ZNF484: variants seen among roughly 807,000 people sequenced by gnomAD.
ZNF484 encodes KRAB box containing C2H2 type zinc finger bA526D8.4.
Under a neutral mutation model 12.9 loss-of-function variants are expected in ZNF484, and 11 were observed. The ratio of observed to expected loss-of-function variants is 0.85; its 90% confidence interval spans 0.54 to 1.41. ZNF484 has a LOEUF of 1.41. ZNF484 is among the 40% of genes most tolerant of loss of function. The pLI is 0.00. For missense variants in ZNF484, 807 were observed against 1,007.7 expected (o/e 0.80, Z 2.70); for synonymous variants, 289 against 334.1 (o/e 0.86, Z 1.47).
intron 2 of ZNF484, among the ~76,000 whole-genome samples, chr9:92,873,108 A>G (rs1857558571): frequency 6.6e-6 from 1 of 152,176 alleles, no homozygotes; most frequent in Non-Finnish European, 1.5e-5. Context: ...CTAATCTGAT[A>G]AGACAGGTGG....
intron 2 of ZNF484, among the ~76,000 whole-genome samples, chr9:92,861,776 G>A (rs1331301723): frequency 6.6e-6 from 1 of 152,094 alleles, no homozygotes; most frequent in Non-Finnish European, 1.5e-5. Flanking sequence ...AAGATATGAA[G>A]AAATAATAGC....
intron 2 of ZNF484, among the ~76,000 whole-genome samples, chr9:92,859,504 G>A (rs1459287190): frequency 6.6e-6 from 1 of 152,124 alleles, no homozygotes; most frequent in East Asian, 1.9e-4. Context: ...GAACCAATGA[G>A]CACAGACAAA....
chr9:92,872,131 T>C (rs1184873086), intron 2 of ZNF484, among the ~76,000 whole-genome samples: 1 of 148,094 alleles, frequency 6.8e-6, no homozygotes, highest in Non-Finnish European at 1.5e-5. Context: ...CTCGGAAAGG[T>C]GAGGCAGGAG....
In ZNF484 at chr9:92,875,079, G is replaced by A; in HGVS notation, c.-30-20C>T. The A allele has an allele frequency of 6.2e-7, 1 of 1,611,944 alleles. No individual in the cohort carries two copies. Among genetic ancestry groups the A allele is most frequent in the Non-Finnish European group, 8.5e-7 (1 of 1,178,696 alleles). On this transcript the variant is annotated intron_variant, in intron 1 of 4. Coordinates refer to ENST00000375495, the MANE Select transcript of ZNF484 (RefSeq NM_031486.4). ...AGAAATCTGAGAAAACAGATGGGTA[G>A]AGGTACCCATGAGAGAAGGAACTGT...
chr9:92,870,273 C>G (rs1857352250), intron 2 of ZNF484, among the ~76,000 whole-genome samples: 1 of 152,240 alleles, frequency 6.6e-6, no homozygotes, highest in African/African-American at 2.4e-5. Flanking sequence ...GAAACATCAA[C>G]AAGTGCATAC....
chr9:92,855,913 G>A lies in ZNF484; in HGVS notation c.143-10C>T, dbSNP rs200678202. On this transcript the variant is annotated splice_polypyrimidine_tract_variant and intron_variant, in intron 3 of 4. Transcript: ENST00000375495. ...TTGGGAACTTGACATCCTGTTAACAGGGGATGATAGAGGACTTGATTTCAG... is the reference window on the plus strand; with the variant it reads ...TTGGGAACTTGACATCCTGTTAACAAGGGATGATAGAGGACTTGATTTCAG... 15 of 1,613,032 alleles carry A rather than the reference G, an allele frequency of 9.3e-6. 1 individual carries two copies. In the African/African-American group the frequency reaches 9.3e-5, roughly 10 times the overall value.
intron 1 of ZNF484, among the ~76,000 whole-genome samples, chr9:92,875,993 C>T (rs1252947575): frequency 2.0e-5 from 3 of 152,164 alleles, no homozygotes; most frequent in African/African-American, 7.2e-5. Flanking sequence ...GCCAGAGAGA[C>T]ATTTTCAGAA....
chr9:92,868,570 G>A (rs1015667063), intron 2 of ZNF484, among the ~76,000 whole-genome samples: 3 of 152,226 alleles, frequency 2.0e-5, no homozygotes, highest in African/African-American at 7.2e-5. Flanking sequence ...TCTGCAGGCT[G>A]TACAAGAAGC....
chr9:92,844,574 AG>A lies in ZNF484; in HGVS notation c.*1653del, dbSNP rs1855483997. Among the ~76,000 whole-genome samples, 1 of 152,238 alleles carries A rather than the reference AG, an allele frequency of 6.6e-6. No individual in the cohort carries two copies. Among genetic ancestry groups the A allele is most frequent in the Admixed American group, 6.5e-5 (1 of 15,282 alleles). On this transcript the variant is annotated 3_prime_UTR_variant, in exon 5 of 5. Transcript: ENST00000375495. ...AGATAAATTTCAAAGGAGACAGAAA[AG>A]CAGATTGCCTGCAAAGGTAATTATA...
Position 92,849,210 on chromosome 9 carries a change from G to A in ZNF484, c.236-659C>T, listed in dbSNP as rs192651090. On this transcript the variant is annotated intron_variant, in intron 4 of 4. Transcript: ENST00000375495. ...CAGGAGGCAGAGGTTGCGGTGAGCCGAGATCTTGCCATTGCACTCCAGCCT... is the reference window on the plus strand; with the variant it reads ...CAGGAGGCAGAGGTTGCGGTGAGCCAAGATCTTGCCATTGCACTCCAGCCT... Among the ~76,000 whole-genome samples the A allele has an allele frequency of 3.4e-3, 512 of 151,562 alleles. 1 individual carries two copies. The highest frequency in any genetic ancestry group is 0.011 in the African/African-American group (471 of 41,388).
chr9:92,873,145 T>C (rs989613846), intron 2 of ZNF484, among the ~76,000 whole-genome samples: 1 of 151,976 alleles, frequency 6.6e-6, no homozygotes, highest in Non-Finnish European at 1.5e-5. Flanking sequence ...TCTCTCTCCA[T>C]AGGCAGGCAG....
intron 2 of ZNF484, among the ~76,000 whole-genome samples, chr9:92,859,106 A>G (rs1455893650): frequency 6.6e-6 from 1 of 152,196 alleles, no homozygotes; most frequent in African/African-American, 2.4e-5. Flanking sequence ...AGCCTGGGCA[A>G]CAGAGCAAGA....
chr9:92,861,973 A>C lies in ZNF484; in HGVS notation c.16-5655T>G, dbSNP rs184985285. Reference sequence around the variant, plus strand: ...ACACATTACATGTAGGGAAAGGGCAATTTGAACAAGAATGACTTTCTCATT... The same window carrying C: ...ACACATTACATGTAGGGAAAGGGCACTTTGAACAAGAATGACTTTCTCATT... On this transcript the variant is annotated intron_variant, in intron 2 of 4. Coordinates refer to ENST00000375495, the MANE Select transcript of ZNF484 (RefSeq NM_031486.4). Among the ~76,000 whole-genome samples the C allele has an allele frequency of 1.5e-4, 23 of 151,898 alleles. 1 individual carries two copies. The East Asian group carries it at 4.5e-3, about 30-fold the overall frequency.
In ZNF484 at chr9:92,848,699, C is replaced by G; in HGVS notation, c.236-148G>C. The G allele has an allele frequency of 6.3e-6, 4 of 633,654 alleles. No homozygotes were observed. The highest frequency in any genetic ancestry group is 1.0e-5 in the Non-Finnish European group (4 of 391,138). 39.3% of individuals were successfully genotyped at this position (633,654 alleles called of 1,614,324 possible). On this transcript the variant is annotated intron_variant, in intron 4 of 4. Transcript: ENST00000375495. The surrounding 1 kb of genome is among the most constrained non-coding windows in gnomAD (Gnocchi z 4.1). Reference sequence around the variant, plus strand: ...GGCCAGGAGTTTGAGACCAGCCTGGCCAGCATAGCAAAACTCTGTCTCTGC... The same window carrying G: ...GGCCAGGAGTTTGAGACCAGCCTGGGCAGCATAGCAAAACTCTGTCTCTGC...
chr9:92,847,489 A>G lies in ZNF484; in HGVS notation c.1298T>C (p.Ile433Thr). 1 of 1,612,810 alleles carries G rather than the reference A, an allele frequency of 6.2e-7. No homozygotes were observed. The highest frequency in any genetic ancestry group is 8.5e-7 in the Non-Finnish European group (1 of 1,179,580). The change falls in exon 5 of 5, where the codon ATT becomes ACT. Residue 433 changes from isoleucine to threonine, a missense_variant. By Grantham distance (89) the Ile-to-Thr change is moderately conservative (BLOSUM62 -1). Coordinates refer to ENST00000375495, the MANE Select transcript of ZNF484 (RefSeq NM_031486.4). ...TTCATAGGGTTTTTCTCCAGTATGA[A>G]TTCTTTCATGTGTGATAAAATGTGA... is the stretch of plus-strand genomic sequence containing the variant. ...RKSHFITHER[I>T]HTGEKPYECS...
intron 2 of ZNF484, among the ~76,000 whole-genome samples, chr9:92,867,438 C>T (rs1355227996): frequency 2.0e-5 from 3 of 152,050 alleles, no homozygotes; most frequent in Non-Finnish European, 2.9e-5. Flanking sequence ...GCTGAGATTG[C>T]GCCATTGCAC....
chr9:92,848,612 G>C lies in ZNF484; in HGVS notation c.236-61C>G. 6.9e-7 allele frequency: 1 copy of C among 1,451,456 alleles called. No homozygotes were observed. 89.9% of individuals were successfully genotyped at this position (1,451,456 alleles called of 1,614,324 possible). A position where few individuals can be genotyped will look rare whatever the true frequency, so the allele number is the denominator to read the frequency against. ...AACAATTAACAGAAAATAAGGCCAGGTGCGGTGGCTCATGCCTGTAATCCT... is the reference window on the plus strand; with the variant it reads ...AACAATTAACAGAAAATAAGGCCAGCTGCGGTGGCTCATGCCTGTAATCCT... On this transcript the variant is annotated intron_variant, in intron 4 of 4. Transcript: ENST00000375495. This position sits in a 1 kb window ranked among gnomAD's most constrained non-coding sequence, Gnocchi z 4.1.
At chr9:92,856,001 TCA>T in intron 3 of ZNF484, 98 bp from the exon 4 acceptor site, 1 of 1,437,820 alleles carries the variant, frequency 7.0e-7, no homozygotes. Context: ...AGAGGAATAT[TCA>T]CACTACCCGA....
chr9:92,862,961 G>A (rs7874026), intron 2 of ZNF484, among the ~76,000 whole-genome samples: 55,591 of 151,850 alleles, frequency 0.37, 10,467 homozygotes, highest in African/African-American at 0.42. Context: ...AAAGATACAC[G>A]CATGCATATG....
Sources: gnomAD v4.1 joint callset for allele counts (sites outside exome capture counted in the v4.1 genomes callset) on GRCh38, gnomAD v4.1.1 for gene constraint, Gnocchi (gnomAD v3.1) non-coding constraint, MANE v1.5 for transcripts, NCBI Gene and HGNC (gene_info 2026-07-23, HGNC 2026-07-21) for gene names.